TRPM6: variants seen among roughly 807,000 people sequenced by gnomAD.
The protein encoded by TRPM6 is channel kinase 2.
TRPM6 carries 111 observed loss-of-function variants against 247.6 expected under a neutral mutation model. The ratio of observed to expected loss-of-function variants is 0.45; its 90% CI spans 0.38 to 0.52. The LOEUF is 0.52. Among genes scored for constraint, TRPM6 ranks in the 20% least tolerant of loss-of-function variants. TRPM6 has a pLI of 0.00. For synonymous variants in TRPM6, 892 were observed against 853.8 expected (o/e 1.04, Z -0.78); for missense variants, 2,126 against 2,421.5 (o/e 0.88, Z 2.56).
At position 74,800,310 on chromosome 9, in the gene TRPM6, G is replaced by A; in HGVS notation, c.2182C>T (p.Leu728=). The change falls in exon 17 of 39, where the codon CTA becomes TTA. Residue 728 remains leucine, a synonymous_variant. Transcript: ENST00000360774. The part of the protein sequence containing the change: ...PFVSHTCTQM[L]LTDMWMGRLK... ...CTCCCCATCCACATGTCTGTCAGTA[G>A]CATCTGGGTACAAGTATGTGAAACA... The A allele has an allele frequency of 6.2e-7, 1 of 1,614,104 alleles. No homozygotes were observed. Among genetic ancestry groups the A allele is most frequent in the African/African-American group, 1.3e-5 (1 of 75,002 alleles).
In TRPM6 at chr9:74,735,145, C is replaced by T. The variant is rs372050383; in HGVS notation, c.5777-2409G>A. ...CTGAGGTAGGAGGATCGTTAGAGCCCAGGAGGTTGAGGCTGCAGTGAGCCA... is the reference window on the plus strand; with the variant it reads ...CTGAGGTAGGAGGATCGTTAGAGCCTAGGAGGTTGAGGCTGCAGTGAGCCA... On this transcript the variant is annotated intron_variant, in intron 36 of 38. Coordinates refer to ENST00000360774, the MANE Select transcript of TRPM6 (RefSeq NM_017662.5). 2.0e-5 allele frequency among the ~76,000 whole-genome samples: 3 copies of T among 151,654 alleles called. No homozygotes were observed. In the East Asian group the frequency reaches 5.8e-4, roughly 29 times the overall value.
intron 25 of TRPM6, among the ~76,000 whole-genome samples, chr9:74,768,538 G>A (rs1826905385): frequency 6.6e-6 from 1 of 152,144 alleles, no homozygotes; most frequent in Admixed American, 6.5e-5. Flanking sequence ...CACACCTCCT[G>A]TGCCTTCTTT....
Position 74,738,414 on chromosome 9 carries a change from A to C in TRPM6, c.5769T>G (p.Asp1923Glu), listed in dbSNP as rs772802286. 6.2e-7 allele frequency: 1 copy of C among 1,613,860 alleles called. No individual in the cohort carries two copies. Among genetic ancestry groups the C allele is most frequent in the South Asian group, 1.1e-5 (1 of 91,070 alleles). Residue 1923 changes from aspartate (D) to glutamate (E), a missense_variant, in exon 36 of 39, where the codon GAT becomes GAG. Physicochemically the swap from Asp to Glu is conservative, Grantham distance 45. This residue lies in a region of TRPM6 where 327 missense variants were observed against 397.7 expected (regional missense o/e 0.82). Transcript: ENST00000360774. ...TCCTACATCATCAATCACCTTGCAAATCTAAAACCAGCAGCTCTCCCCGAG... is the reference window on the plus strand; with the variant it reads ...TCCTACATCATCAATCACCTTGCAACTCTAAAACCAGCAGCTCTCCCCGAG... Reference protein sequence around the residue: ...EYTRGELLVLDLQGVGENLTD... With the variant: ...EYTRGELLVLELQGVGENLTD...
chr9:74,804,292 A>C (rs887159150), intron 14 of TRPM6, among the ~76,000 whole-genome samples: 2 of 152,196 alleles, frequency 1.3e-5, no homozygotes, highest in Admixed American at 1.3e-4. Context: ...TCCAAGGTTA[A>C]GGTTAAGTCA....
In TRPM6 at chr9:74,744,077, T is replaced by C. The variant is rs773201544; in HGVS notation, c.5134+18A>G. On this transcript the variant is annotated intron_variant, in intron 32 of 38. Coordinates refer to ENST00000360774, the MANE Select transcript of TRPM6 (RefSeq NM_017662.5). ...ACATTTAGCTCAGCTGACATGTCTA[T>C]GTGCATATGCATCCTACCTGAATAA... 4.3e-5 allele frequency: 69 copies of C among 1,612,924 alleles called. No homozygotes were observed. The highest frequency in any genetic ancestry group is 1.6e-4 in the Middle Eastern group (1 of 6,082).
intron 1 of TRPM6, among the ~76,000 whole-genome samples, chr9:74,886,286 A>T (rs892040287): frequency 2.0e-5 from 3 of 152,234 alleles, no homozygotes; most frequent in Non-Finnish European, 4.4e-5. Flanking sequence ...CCAGATTCTT[A>T]AAGTCAAGCC....
intron 7 of TRPM6, among the ~76,000 whole-genome samples, chr9:74,822,807 G>T (rs1829177639): frequency 6.6e-6 from 1 of 151,958 alleles, no homozygotes; most frequent in African/African-American, 2.4e-5. Context: ...AAAGCTTACA[G>T]AATAATATGC....
chr9:74,862,565 A>C (rs1345498650), intron 1 of TRPM6, among the ~76,000 whole-genome samples: 1 of 152,242 alleles, frequency 6.6e-6, no homozygotes, highest in African/African-American at 2.4e-5. Context: ...AAATGTTCAC[A>C]GACTAACATA....
intron 1 of TRPM6, chr9:74,887,177 C>A (rs1831558364): frequency 1.2e-5 from 14 of 1,172,246 alleles, no homozygotes; most frequent in Middle Eastern, 2.1e-4. Flanking sequence ...GGTTGCAAGT[C>A]CGGGCGGCGC....
intron 1 of TRPM6, among the ~76,000 whole-genome samples, chr9:74,864,974 G>A (rs949455077): frequency 2.1e-4 from 32 of 152,026 alleles, no homozygotes; most frequent in Admixed American, 9.2e-4. Context: ...TCAGGAGGCT[G>A]AGGCAAGAGA....
intron 27 of TRPM6, among the ~76,000 whole-genome samples, 169 bp downstream of exon 27, chr9:74,761,527 T>C (rs775481378): frequency 1.4e-4 from 22 of 152,166 alleles, no homozygotes; most frequent in Admixed American, 2.6e-4. Context: ...CTGGACAACA[T>C]AGCAAGACCC....
At chr9:74,749,437 A>G (rs1826164341) in intron 30 of TRPM6, among the ~76,000 whole-genome samples, 1 of 152,200 alleles carries the variant, frequency 6.6e-6, no homozygotes, top group Admixed American at 6.5e-5. Context: ...CACAATATAT[A>G]TAAGATGTAA....
At position 74,762,205 on chromosome 9, in the gene TRPM6, T is replaced by C. The variant is rs868597529; in HGVS notation, c.4466A>G (p.Gln1489Arg). ...GCTGTCCTGGGCCTGCTTCTGGTGCTGTTCACTCCGAGAGGAATCACTGTC... is the reference window on the plus strand; with the variant it reads ...GCTGTCCTGGGCCTGCTTCTGGTGCCGTTCACTCCGAGAGGAATCACTGTC... ...TCDSDSSRSEQHQKQAQDSSL... is the reference protein window; with the variant it reads ...TCDSDSSRSERHQKQAQDSSL... Residue 1489 changes from glutamine to arginine, a missense_variant, in exon 26 of 39, where the codon CAG becomes CGG. Physicochemically the swap from Gln to Arg is conservative, Grantham distance 43 (BLOSUM62 1). Around this residue, in one of 3 missense-constraint regions of TRPM6, gnomAD observed 717 missense variants for 715.9 expected, o/e 1.00. Transcript: ENST00000360774. 6.2e-7 allele frequency: 1 copy of C among 1,614,224 alleles called. No individual in the cohort carries two copies.
chr9:74,843,104 C>T (rs910153233), intron 3 of TRPM6, among the ~76,000 whole-genome samples: 3 of 152,172 alleles, frequency 2.0e-5, no homozygotes, highest in African/African-American at 4.8e-5. Flanking sequence ...CCTTTGTTGT[C>T]GTTTCTACAA....
At chr9:74,750,873 A>G in intron 29 of TRPM6, 151 bp from the exon 30 acceptor site, 1 of 746,426 alleles carries the variant, frequency 1.3e-6, no homozygotes, top group Non-Finnish European at 2.4e-6. Flanking sequence ...ACTAAACCCA[A>G]GCTAGAAAGA....
rs1295525271 is a variant in TRPM6, at chr9:74,723,872, TC to T, written c.*740del. 1.2e-4 allele frequency: 17 copies of T among 146,492 alleles called. No individual in the cohort carries two copies. The highest frequency in any genetic ancestry group is 4.0e-4 in the African/African-American group (16 of 40,032). The allele number at this position is 146,492 out of a possible 1,614,324, so 9.1% of individuals were successfully genotyped here. On this transcript the variant is annotated 3_prime_UTR_variant, in exon 39 of 39. Coordinates refer to ENST00000360774, the MANE Select transcript of TRPM6 (RefSeq NM_017662.5). ...TATTTTATATATATAATATATATAT[TC>T]CATATATATTATATATATAAAAATA...
At chr9:74,749,319 AGT>A (rs1196258342) in intron 30 of TRPM6, among the ~76,000 whole-genome samples, 6 of 152,342 alleles carry the variant, frequency 3.9e-5, no homozygotes, top group Admixed American at 3.9e-4. Flanking sequence ...CAGCGCTGCA[AGT>A]GTTTTTATAG....
intron 3 of TRPM6, among the ~76,000 whole-genome samples, chr9:74,845,167 A>C (rs1830068135): frequency 6.6e-6 from 1 of 152,240 alleles, no homozygotes; most frequent in Admixed American, 6.5e-5. Flanking sequence ...AATTATTAAA[A>C]TGTGATGCAG....
chr9:74,740,124 T>A (rs963989463), intron 33 of TRPM6, 115 bp from the exon 34 acceptor site: 3 of 1,183,330 alleles, frequency 2.5e-6, no homozygotes, highest in Non-Finnish European at 3.7e-6. Flanking sequence ...CAGAGGAGAA[T>A]GGGACTAGCA....
Sources: allele counts gnomAD v4.1 joint callset (sites outside exome capture counted in the v4.1 genomes callset), GRCh38; gene constraint gnomAD v4.1.1; regional missense constraint gnomAD v4.1.1; transcripts MANE v1.5; gene names NCBI Gene and HGNC (gene_info 2026-07-23, HGNC 2026-07-21).